Variants in KCTD13 observed in about 807,000 individuals in gnomAD.
KCTD13 encodes the protein potassium channel tetramerization domain containing 13.
Under a neutral mutation model 32.3 loss-of-function variants are expected in KCTD13, and 15 were observed. The ratio of observed to expected loss-of-function variants is 0.46; its 90% CI spans 0.31 to 0.71. The LOEUF (loss-of-function observed/expected upper bound fraction) is 0.71. Ranked by LOEUF, KCTD13 falls within the 30% of genes least tolerant of loss-of-function variation. The pLI is 0.05. For synonymous variants in KCTD13, 189 were observed against 200.1 expected (o/e 0.94, Z 0.47); for missense variants, 337 against 452.6 (o/e 0.74, Z 2.32).
chr16:29,919,778 G>A (rs901433258), intron 2 of KCTD13: 2 of 152,030 alleles, frequency 1.3e-5, no homozygotes, highest in Non-Finnish European at 1.5e-5. Flanking sequence ...CACAGGAAAC[G>A]ACCTGGAAGA....
chr16:29,912,589 T>C (rs1008096567), intron 2 of KCTD13, among the ~76,000 whole-genome samples: 4 of 152,146 alleles, frequency 2.6e-5, no homozygotes, highest in African/African-American at 7.2e-5. Context: ...TACAGGCATG[T>C]GCCACCACAC....
chr16:29,924,111 T>C (rs770740751), intron 1 of KCTD13, among the ~76,000 whole-genome samples: 4 of 148,472 alleles, frequency 2.7e-5, no homozygotes, highest in Non-Finnish European at 5.9e-5. Flanking sequence ...GAGGTGGGGG[T>C]TGCGGTGAGC....
intron 2 of KCTD13, chr16:29,921,625 T>C (rs983729633): frequency 4.6e-5 from 7 of 152,132 alleles, no homozygotes; most frequent in Non-Finnish European, 8.8e-5. Flanking sequence ...CATGATGACA[T>C]TAGTAAATTT....
chr16:29,908,763 T>C (rs959886548), intron 5 of KCTD13, among the ~76,000 whole-genome samples: 1 of 151,424 alleles, frequency 6.6e-6, no homozygotes, highest in African/African-American at 2.4e-5. Context: ...AGTGCAGTGG[T>C]GTGATCATGT....
intron 1 of KCTD13, among the ~76,000 whole-genome samples, chr16:29,925,012 T>C (rs943139391): frequency 3.3e-5 from 5 of 152,310 alleles, no homozygotes; most frequent in Admixed American, 3.3e-4. Context: ...CCACCGCACC[T>C]GGCCGAATTC....
intron 2 of KCTD13, among the ~76,000 whole-genome samples, chr16:29,918,394 C>T (rs1388156973): frequency 1.3e-5 from 2 of 152,154 alleles, no homozygotes; most frequent in East Asian, 1.9e-4. Flanking sequence ...TGTGGCCCAA[C>T]GTGAAATACA....
intron 5 of KCTD13, among the ~76,000 whole-genome samples, chr16:29,909,915 C>T (rs2068676192): frequency 6.6e-6 from 1 of 151,644 alleles, no homozygotes. Context: ...AGAGACTTCT[C>T]TACTACATTT....
chr16:29,923,027 G>C, intron 2 of KCTD13, 163 bp downstream of exon 2: 1 of 707,454 alleles, frequency 1.4e-6, no homozygotes, highest in Non-Finnish European at 2.3e-6. Flanking sequence ...GGTGCTGCCT[G>C]AGGCGGCAGG....
chr16:29,906,981 C>A lies in KCTD13; in HGVS notation c.881G>T (p.Arg294Leu). ...CTCTCGGTTCTCTTCATCCTCCCCG[C>A]GGCCAGCCCCACCAGCTCCAGCTGC... is the stretch of plus-strand genomic sequence containing the variant. ...GGAAGAGGAGRGEDEENREHR... is the reference protein window; with the variant it reads ...GGAAGAGGAGLGEDEENREHR... Residue 294 changes from arginine (R) to leucine (L), a missense_variant, in exon 6 of 6, where the codon CGC (arginine) becomes CTC (leucine). By Grantham distance (102) the Arg-to-Leu change is moderately radical. Transcript: ENST00000568000. The A allele has an allele frequency of 1.2e-6, 2 of 1,614,180 alleles. No individual in the cohort carries two copies. Among genetic ancestry groups the A allele is most frequent in the East Asian group, 2.2e-5 (1 of 44,874 alleles).
intron 1 of KCTD13, among the ~76,000 whole-genome samples, chr16:29,923,959 G>T (rs1156290849): frequency 6.6e-6 from 1 of 152,114 alleles, no homozygotes; most frequent in Non-Finnish European, 1.5e-5. Context: ...CGGATCACCT[G>T]AGGTCAAGAG....
rs550304624 is a variant in KCTD13, at chr16:29,918,638, T to C, written c.414+4552A>G. The stretch of plus-strand genomic sequence containing the variant: ...GGCACCCACCACCACTCCCAGCTAA[T>C]TTTTGTAATTTTTTATTTATTTATT... On this transcript the variant is annotated intron_variant, in intron 2 of 5. Transcript: ENST00000568000. 2.0e-5 allele frequency among the ~76,000 whole-genome samples: 3 copies of C among 151,780 alleles called. No individual in the cohort carries two copies. In the East Asian group the frequency reaches 5.8e-4, roughly 29 times the overall value.
At chr16:29,917,939 C>T (rs2068838566) in intron 2 of KCTD13, among the ~76,000 whole-genome samples, 1 of 152,074 alleles carries the variant, frequency 6.6e-6, no homozygotes, top group African/African-American at 2.4e-5. Context: ...CAGATCAAGA[C>T]TCTGCCTCAA....
chr16:29,919,780 C>T (rs1261395976), intron 2 of KCTD13: 16 of 152,002 alleles, frequency 1.1e-4, no homozygotes, highest in Admixed American at 1.1e-3. Context: ...CAGGAAACGA[C>T]CTGGAAGAAT....
Position 29,910,993 on chromosome 16 carries a change from C to T in KCTD13, c.738G>A (p.Glu246=). Residue 246 remains glutamate, a synonymous_variant, in exon 5 of 6, where the codon GAG becomes GAA. Coordinates refer to ENST00000568000, the MANE Select transcript of KCTD13 (RefSeq NM_178863.5). ...CCCCTCTGACCTTGGTCTGCTTCTT[C>T]TCCGTAGCATAGACAATGGAGGTGC... ...VCCTSIVYAT[E]KKQTKVEFPE... 6.2e-7 allele frequency: 1 copy of T among 1,613,968 alleles called. No homozygotes were observed.
At chr16:29,909,701 T>G (rs2068672506) in intron 5 of KCTD13, among the ~76,000 whole-genome samples, 1 of 151,832 alleles carries the variant, frequency 6.6e-6, no homozygotes, top group South Asian at 2.1e-4. Context: ...TTTTTTTTTT[T>G]TAATTAGAGT....
intron 5 of KCTD13, among the ~76,000 whole-genome samples, chr16:29,909,098 T>G (rs1312825630): frequency 1.3e-5 from 2 of 152,066 alleles, no homozygotes; most frequent in East Asian, 3.8e-4. Context: ...TTCCACTGTG[T>G]GAAAAGGGCC....
At chr16:29,925,348 C>T (rs2068976452) in intron 1 of KCTD13, among the ~76,000 whole-genome samples, 1 of 152,170 alleles carries the variant, frequency 6.6e-6, no homozygotes, top group African/African-American at 2.4e-5. Flanking sequence ...GATCTCCCAG[C>T]TCTCCTGGCT....
At chr16:29,914,194 G>C (rs1014562933) in intron 2 of KCTD13, 1 of 152,124 alleles carries the variant, frequency 6.6e-6, no homozygotes, top group Non-Finnish European at 1.5e-5. Flanking sequence ...ATGACACACA[G>C]GAACGAGCAC....
chr16:29,912,103 C>T (rs991944529), intron 2 of KCTD13, 54 bp from the exon 3 acceptor site: 1 of 1,249,300 alleles, frequency 8.0e-7, no homozygotes, highest in African/African-American at 1.5e-5. Context: ...ACGTACTCCC[C>T]CACTTAAAAG....
Sources: allele counts gnomAD v4.1 joint callset (sites outside exome capture counted in the v4.1 genomes callset), GRCh38; gene constraint gnomAD v4.1.1; transcripts MANE v1.5; gene names NCBI Gene and HGNC (gene_info 2026-07-23, HGNC 2026-07-21).